LRCH3: variants seen among roughly 807,000 people sequenced by gnomAD.
LRCH3 encodes the protein leucine rich repeats and calponin homology domain containing 3, also known as DISP complex protein LRCH3.
Under a neutral mutation model 104.5 loss-of-function variants are expected in LRCH3, and 68 were observed. That is an observed-to-expected ratio of 0.65 (90% CI 0.54 to 0.80). The LOEUF (loss-of-function observed/expected upper bound fraction) is 0.80, where lower values mean the gene tolerates loss of function less well. Among genes scored for constraint, LRCH3 ranks in the 30% least tolerant of loss-of-function variants. The pLI is 0.00. For missense variants in LRCH3, 951 were observed against 953.9 expected (o/e 1.00, Z 0.04); for synonymous variants, 344 against 361.3 (o/e 0.95, Z 0.54).
chr3:197,847,478 T>A lies in LRCH3; in HGVS notation c.1380+18T>A, dbSNP rs1241687660. 6.4e-7 allele frequency: 1 copy of A among 1,572,690 alleles called. No individual in the cohort carries two copies. The highest frequency in any genetic ancestry group is 8.6e-7 in the Non-Finnish European group (1 of 1,167,354). ...ACAATCAGGTAATGTTTAGTAGTTGTGTTTATTTTTGCTTTTTAAACTAAG... is the reference window on the plus strand; with the variant it reads ...ACAATCAGGTAATGTTTAGTAGTTGAGTTTATTTTTGCTTTTTAAACTAAG... On this transcript the variant is annotated intron_variant, in intron 11 of 20. Transcript: ENST00000425562.
chr3:197,793,095 G>C (rs899002768), intron 1 of LRCH3, among the ~76,000 whole-genome samples: 12 of 152,098 alleles, frequency 7.9e-5, no homozygotes, highest in Non-Finnish European at 1.6e-4. Flanking sequence ...GGCAGTACTT[G>C]GTGTCTTATT....
chr3:197,813,121 T>C (rs1733378595), intron 1 of LRCH3, among the ~76,000 whole-genome samples: 1 of 152,212 alleles, frequency 6.6e-6, no homozygotes, highest in African/African-American at 2.4e-5. Flanking sequence ...AGTGGCTGCA[T>C]ATATTTATGG....
Position 197,858,774 on chromosome 3 carries a change from C to G in LRCH3, c.1645-60C>G. The G allele has an allele frequency of 2.2e-6, 3 of 1,369,904 alleles. No homozygotes were observed. In the South Asian group the frequency reaches 3.5e-5, roughly 16 times the overall value. 84.9% of individuals were successfully genotyped at this position (1,369,904 alleles called of 1,614,324 possible). A position where few individuals can be genotyped will look rare whatever the true frequency, so the allele number is the denominator to read the frequency against. ...CATTTCACTAGTCAGATCTGCCTGCCTGACATTTGCTAACATAAATGCTGC... is the reference window on the plus strand; with the variant it reads ...CATTTCACTAGTCAGATCTGCCTGCGTGACATTTGCTAACATAAATGCTGC... On this transcript the variant is annotated intron_variant, in intron 14 of 20. Coordinates refer to ENST00000425562, the MANE Select transcript of LRCH3 (RefSeq NM_001365715.1).
At chr3:197,880,408 G>T in intron 20 of LRCH3, 1 of 887,040 alleles carries the variant, frequency 1.1e-6, no homozygotes. Flanking sequence ...ATGTGTATAT[G>T]TGAATATGAC....
chr3:197,791,545 G>A lies in LRCH3; in HGVS notation c.262+5G>A. On this transcript the variant is annotated splice_donor_5th_base_variant and intron_variant, in intron 1 of 20. Transcript: ENST00000425562. ...TGACGGACACCACCCGGGCGGGTGA[G>A]CGGGGCGGGGGGCGTCTCTGCCCGT... The A allele has an allele frequency of 6.4e-7, 1 of 1,564,156 alleles. No individual in the cohort carries two copies. Among genetic ancestry groups the A allele is most frequent in the Non-Finnish European group, 8.6e-7 (1 of 1,159,976 alleles).
At chr3:197,796,570 T>TA (rs1731232194) in intron 1 of LRCH3, among the ~76,000 whole-genome samples, 1 of 152,224 alleles carries the variant, frequency 6.6e-6, no homozygotes, top group Non-Finnish European at 1.5e-5. Flanking sequence ...TAATAGTAGC[T>TA]AACATTTATT....
intron 15 of LRCH3, 95 bp downstream of exon 15, chr3:197,859,000 A>G (rs917308108): frequency 1.1e-6 from 1 of 870,022 alleles, no homozygotes; most frequent in Non-Finnish European, 2.0e-6. Flanking sequence ...AATCTGAAAT[A>G]TAGGATCGCA....
chr3:197,796,253 A>G (rs1207913047), intron 1 of LRCH3, among the ~76,000 whole-genome samples: 1 of 152,078 alleles, frequency 6.6e-6, no homozygotes, highest in Non-Finnish European at 1.5e-5. Flanking sequence ...CAAGGGATCT[A>G]ATGGGGAGAT....
intron 20 of LRCH3, chr3:197,882,237 C>T (rs531324205): frequency 1.0e-6 from 1 of 985,206 alleles, no homozygotes; most frequent in African/African-American, 1.7e-5. Flanking sequence ...AGGAAGAGAC[C>T]AGGGAATCAG....
chr3:197,830,497 C>G (rs1374425280), intron 6 of LRCH3, among the ~76,000 whole-genome samples: 1 of 152,192 alleles, frequency 6.6e-6, no homozygotes, highest in Admixed American at 6.5e-5. Context: ...TGCTTAAAAG[C>G]ACAGTCCTAG....
Position 197,854,324 on chromosome 3 carries a change from T to C in LRCH3, c.1591-68T>C. The C allele has an allele frequency of 7.6e-7, 1 of 1,322,066 alleles. No homozygotes were observed. Among genetic ancestry groups the C allele is most frequent in the African/African-American group, 1.4e-5 (1 of 69,310 alleles). 81.9% of individuals were successfully genotyped at this position (1,322,066 alleles called of 1,614,324 possible). A position where few individuals can be genotyped will look rare whatever the true frequency, so the allele number is the denominator to read the frequency against. On this transcript the variant is annotated intron_variant, in intron 13 of 20. Transcript: ENST00000425562. This position sits in a 1 kb window ranked among gnomAD's most constrained non-coding sequence, Gnocchi z 4.5. ...TATGTCTCTTCCCTTGTGTGTGTAT[T>C]CGTGAAATACGTCACACGTGTGCGT... is the stretch of plus-strand genomic sequence containing the variant.
At chr3:197,882,068 AAC>A (rs1212443566) in intron 20 of LRCH3, 8 of 985,322 alleles carry the variant, frequency 8.1e-6, no homozygotes, top group African/African-American at 5.2e-5. Flanking sequence ...CCTGTTAAAA[AAC>A]ACACACAGGC....
At position 197,828,076 on chromosome 3, in the gene LRCH3, C is replaced by CAA. The variant is rs11396052; in HGVS notation, c.777+1077_777+1078dup. ...TGGGCGACAGGGTGAGACTCCGTCT[C>CAA]AAAAAAAAAAAAAAAATGCTAGAGA... On this transcript the variant is annotated intron_variant, in intron 5 of 20. Transcript: ENST00000425562. 4.3e-3 allele frequency among the ~76,000 whole-genome samples: 556 copies of CAA among 129,092 alleles called. 7 individuals are homozygous for CAA. Among genetic ancestry groups the CAA allele is most frequent in the African/African-American group, 0.011 (385 of 34,408 alleles). 84.7% of individuals were successfully genotyped at this position (129,092 alleles called of 152,430 possible).
rs138258104 is a variant in LRCH3 at position 197,854,397 on chromosome 3, C to G, written c.1596C>G (p.Pro532=). 1.9e-6 allele frequency: 3 copies of G among 1,614,064 alleles called. No homozygotes were observed. Among genetic ancestry groups the G allele is most frequent in the Non-Finnish European group, 2.5e-6 (3 of 1,179,926 alleles). Residue 532 remains proline (P), a synonymous_variant, in exon 14 of 21, where the codon CCC becomes CCG. Transcript: ENST00000425562. This position sits in a 1 kb window ranked among gnomAD's most constrained non-coding sequence, Gnocchi z 4.5. ...ATTTTTCTCCATCTCTCCAGTGCCC[C>G]TTCCCATCCAGAAGGTCTCAGCACA... ...PLLDGVDGEC[P]FPSRRSQHTD...
intron 1 of LRCH3, among the ~76,000 whole-genome samples, chr3:197,813,124 A>G (rs1733379278): frequency 6.6e-6 from 1 of 152,278 alleles, no homozygotes; most frequent in South Asian, 2.1e-4. Flanking sequence ...GGCTGCATAT[A>G]TTTATGGGGT....
At chr3:197,861,516 A>G (rs993250801) in intron 15 of LRCH3, among the ~76,000 whole-genome samples, 2 of 152,248 alleles carry the variant, frequency 1.3e-5, no homozygotes, top group Non-Finnish European at 2.9e-5. Context: ...AGTGACTGTC[A>G]TATGAGATTA....
intron 4 of LRCH3, chr3:197,822,707 C>T (rs887717143): frequency 5.3e-5 from 8 of 151,912 alleles, no homozygotes; most frequent in Non-Finnish European, 1.2e-4. Flanking sequence ...CAATTTGGTA[C>T]ATGTCATATA....
intron 20 of LRCH3, chr3:197,882,776 T>C (rs370558485): frequency 1.0e-6 from 1 of 985,296 alleles, no homozygotes. Context: ...AAGCAAACAG[T>C]GTCAACACTT....
In LRCH3 at chr3:197,884,437, G is replaced by C. The variant is rs1315206111; in HGVS notation, c.*771G>C. 1 of 152,636 alleles carries C rather than the reference G, an allele frequency of 6.6e-6. No individual in the cohort carries two copies. The highest frequency in any genetic ancestry group is 2.4e-5 in the African/African-American group (1 of 41,452). The allele number at this position is 152,636 out of a possible 1,614,324, so 9.5% of individuals were successfully genotyped here. ...CTCCCAAAATGCTGGGATTACAGGC[G>C]TGAGCCACTGTGCCCGGCCTCCCAG... On this transcript the variant is annotated 3_prime_UTR_variant, in exon 21 of 21. Transcript: ENST00000425562.
Sources: gnomAD v4.1 joint callset for allele counts (sites outside exome capture counted in the v4.1 genomes callset) on GRCh38, gnomAD v4.1.1 for gene constraint, Gnocchi (gnomAD v3.1) non-coding constraint, MANE v1.5 for transcripts, NCBI Gene and HGNC (gene_info 2026-07-23, HGNC 2026-07-21) for gene names.